The following PPP2R5B variants were observed in gnomAD, a reference collection of about 807,000 sequenced individuals.
PPP2R5B encodes the protein serine/threonine-protein phosphatase 2A 56 kDa regulatory subunit beta isoform.
Under a neutral mutation model 59.9 loss-of-function variants are expected in PPP2R5B, and 19 were observed. The observed-to-expected ratio is 0.32, with a 90% CI of 0.22 to 0.47. The LOEUF (loss-of-function observed/expected upper bound fraction) is 0.47, where lower values mean the gene tolerates loss of function less well. PPP2R5B is among the 20% of genes least tolerant of loss of function. The pLI, the probability that PPP2R5B is intolerant of heterozygous loss-of-function variation, is 1.00. For synonymous variants in PPP2R5B, 286 were observed against 260.5 expected (o/e 1.10, Z -0.94); for missense variants, 441 against 640.2 (o/e 0.69, Z 3.36).
At chr11:64,933,633 C>CTG in intron 13 of PPP2R5B, 64 bp from the exon 14 acceptor site, 1 of 1,494,780 alleles carries the variant, frequency 6.7e-7, no homozygotes, top group South Asian at 1.3e-5. Flanking sequence ...GGAGTCTGGA[C>CTG]TGTGAGGGAG....
In PPP2R5B at chr11:64,931,324, AGTAACAGGCC is replaced by A; in HGVS notation, c.892-109_892-100del. The A allele has an allele frequency of 8.5e-7, 1 of 1,174,316 alleles. No individual in the cohort carries two copies. The highest frequency in any genetic ancestry group is 1.2e-6 in the Non-Finnish European group (1 of 806,822). The allele number at this position is 1,174,316 out of a possible 1,614,324, so 72.7% of individuals were successfully genotyped here. On this transcript the variant is annotated intron_variant, in intron 8 of 13. Transcript: ENST00000164133. This position sits in a 1 kb window ranked among gnomAD's most constrained non-coding sequence, Gnocchi z 5.0. ...GTGATAAATGCTTGGTGAATAAGAA[AGTAACAGGCC>A]GTGGGTGAGCAGTATTTGGCATTCT...
At chr11:64,922,895 T>G (rs1945123364), upstream of PPP2R5B, 1 of 152,128 alleles carries the variant, frequency 6.6e-6, no homozygotes. Flanking sequence ...AAAAGTTTTT[T>G]TTTTCTTCCA....
chr11:64,926,869 T>C lies in PPP2R5B; in HGVS notation c.357T>C (p.Gly119=). Residue 119 remains glycine (G), a synonymous_variant, in exon 3 of 14, where the codon GGT becomes GGC. Coordinates refer to ENST00000164133, the MANE Select transcript of PPP2R5B (RefSeq NM_006244.4). ...TGGAGTGTGTGGGGAGCACCCGGGG[T>C]GTCCTCATCGAGCCCGTCTACCCAG... is the stretch of plus-strand genomic sequence containing the variant. The part of the protein sequence containing the change: ...ELVECVGSTR[G]VLIEPVYPDI... The C allele has an allele frequency of 6.2e-7, 1 of 1,613,896 alleles. No homozygotes were observed. Among genetic ancestry groups the C allele is most frequent in the East Asian group, 2.2e-5 (1 of 44,860 alleles).
intron 1 of PPP2R5B, among the ~76,000 whole-genome samples, chr11:64,919,068 C>T (rs536313059): frequency 1.3e-5 from 2 of 152,260 alleles, no homozygotes; most frequent in South Asian, 4.1e-4. Flanking sequence ...GGGCCAGGCA[C>T]GGTGGCTCAT....
Position 64,931,367 on chromosome 11 carries a change from A to C in PPP2R5B, c.892-69A>C. The C allele has an allele frequency of 6.5e-7, 1 of 1,538,934 alleles. No individual in the cohort carries two copies. Among genetic ancestry groups the C allele is most frequent in the Non-Finnish European group, 9.0e-7 (1 of 1,116,876 alleles). ...AGCAGTATTTGGCATTCTGTCCTGG[A>C]CAGCAAGTCCTTGGCGCCTGGTGCC... On this transcript the variant is annotated intron_variant, in intron 8 of 13. Coordinates refer to ENST00000164133, the MANE Select transcript of PPP2R5B (RefSeq NM_006244.4). The surrounding 1 kb of genome is among the most constrained non-coding windows in gnomAD (Gnocchi z 5.0).
At chr11:64,926,636 G>C in intron 2 of PPP2R5B, 76 bp from the exon 3 acceptor site, 1 of 1,521,260 alleles carries the variant, frequency 6.6e-7, no homozygotes, top group South Asian at 1.2e-5. Flanking sequence ...GTGGAGATTA[G>C]GAGGGTCTGC....
intron 1 of PPP2R5B, among the ~76,000 whole-genome samples, chr11:64,919,468 G>T (rs1281312199): frequency 1.3e-5 from 2 of 151,848 alleles, no homozygotes; most frequent in African/African-American, 4.8e-5. Context: ...ACCGGGTTGG[G>T]TTGCTCACTC....
upstream of PPP2R5B, among the ~76,000 whole-genome samples, chr11:64,923,454 G>A (rs556500495): frequency 6.6e-6 from 1 of 152,326 alleles, no homozygotes; most frequent in South Asian, 2.1e-4. Context: ...GGCCGGATGG[G>A]CAAGGCCTGC....
intron 3 of PPP2R5B, 130 bp downstream of exon 3, chr11:64,927,038 C>A: frequency 9.9e-7 from 1 of 1,008,866 alleles, no homozygotes. Flanking sequence ...CGTCTTCCTT[C>A]CCCCCGACCT....
chr11:64,922,655 A>G (rs1167280171), upstream of PPP2R5B, among the ~76,000 whole-genome samples: 1 of 152,058 alleles, frequency 6.6e-6, no homozygotes, highest in Non-Finnish European at 1.5e-5. Flanking sequence ...TGGGCGGATC[A>G]CGAGGTCAGG....
At position 64,931,597 on chromosome 11, in the gene PPP2R5B, C is replaced by T; in HGVS notation, c.984C>T (p.Cys328=). 2 of 1,613,964 alleles carry T rather than the reference C, an allele frequency of 1.2e-6. No homozygotes were observed. The highest frequency in any genetic ancestry group is 1.7e-6 in the Non-Finnish European group (2 of 1,180,008). The change falls in exon 10 of 14, where the codon TGC becomes TGT. Residue 328 remains cysteine, a synonymous_variant. Coordinates refer to ENST00000164133, the MANE Select transcript of PPP2R5B (RefSeq NM_006244.4). This position sits in a 1 kb window ranked among gnomAD's most constrained non-coding sequence, Gnocchi z 5.0. ...TGCTCAAATACTGGCCAAAAACCTG[C>T]ACCCAGAAGGAGGTATGAAGAAGGG... is the stretch of plus-strand genomic sequence containing the variant. The part of the protein sequence containing the change: ...RGLLKYWPKT[C]TQKEVMFLGE...
rs973037536 is a variant in PPP2R5B at position 64,927,468 on chromosome 11, C to G, written c.397-334C>G. Among the ~76,000 whole-genome samples, 9 of 152,200 alleles carry G rather than the reference C, an allele frequency of 5.9e-5. 1 individual carries two copies. The highest frequency in any genetic ancestry group is 1.5e-5 in the Non-Finnish European group (1 of 68,038). ...GCAGCTCTCATCTGTAATCCCAGCACTTTGGGCCAAGGCGAGAGGATCACT... is the reference window on the plus strand; with the variant it reads ...GCAGCTCTCATCTGTAATCCCAGCAGTTTGGGCCAAGGCGAGAGGATCACT... On this transcript the variant is annotated intron_variant, in intron 3 of 13. Coordinates refer to ENST00000164133, the MANE Select transcript of PPP2R5B (RefSeq NM_006244.4).
chr11:64,933,425 G>C (rs903252544), intron 13 of PPP2R5B, among the ~76,000 whole-genome samples, 179 bp downstream of exon 13: 5 of 152,098 alleles, frequency 3.3e-5, no homozygotes, highest in Non-Finnish European at 5.9e-5. Flanking sequence ...GTCATTCTTC[G>C]AGTAGCTCAG....
At position 64,924,951 on chromosome 11, in the gene PPP2R5B, G is replaced by T. The variant is rs1220358490; in HGVS notation, c.-342G>T. Reference sequence around the variant, plus strand: ...CCAGCGCCCCGAGCGGAACCGCTGCGAAGGGGCCCTGAACGGCCGTCGCCC... The same window carrying T: ...CCAGCGCCCCGAGCGGAACCGCTGCTAAGGGGCCCTGAACGGCCGTCGCCC... On this transcript the variant is annotated 5_prime_UTR_variant, in exon 1 of 14. Coordinates refer to ENST00000164133, the MANE Select transcript of PPP2R5B (RefSeq NM_006244.4). 6.6e-6 allele frequency: 1 copy of T among 152,476 alleles called. No individual in the cohort carries two copies. Among genetic ancestry groups the T allele is most frequent in the Non-Finnish European group, 1.5e-5 (1 of 68,128 alleles). 9.4% of individuals were successfully genotyped at this position (152,476 alleles called of 1,614,324 possible). A position where few individuals can be genotyped will look rare whatever the true frequency, so the allele number is the denominator to read the frequency against.
intron 11 of PPP2R5B, among the ~76,000 whole-genome samples, chr11:64,932,286 C>T (rs532685233): frequency 2.2e-4 from 34 of 152,284 alleles, no homozygotes; most frequent in African/African-American, 4.3e-4. Context: ...CAGGCTTCCC[C>T]GCACCAACCC....
At chr11:64,930,993 C>T (rs1945222437) in intron 8 of PPP2R5B, among the ~76,000 whole-genome samples, 1 of 152,108 alleles carries the variant, frequency 6.6e-6, no homozygotes, top group African/African-American at 2.4e-5. Context: ...CCCTTCTCAG[C>T]CTCCCGAGTA....
intron 12 of PPP2R5B, 97 bp downstream of exon 12, chr11:64,932,989 A>G (rs113647735): frequency 6.4e-7 from 1 of 1,554,910 alleles, no homozygotes; most frequent in South Asian, 1.2e-5. Context: ...AGAATATCAG[A>G]GAAAGCATCA....
chr11:64,921,281 A>G (rs896493202), upstream of PPP2R5B, among the ~76,000 whole-genome samples: 1 of 151,924 alleles, frequency 6.6e-6, no homozygotes, highest in Non-Finnish European at 1.5e-5. Context: ...TAACAAATAC[A>G]CTGGCCCTGG....
upstream of PPP2R5B, among the ~76,000 whole-genome samples, chr11:64,921,416 G>T (rs911517986): frequency 6.6e-6 from 1 of 152,170 alleles, no homozygotes; most frequent in Admixed American, 6.5e-5. Flanking sequence ...GCCCAGGCCG[G>T]GGGGCATCCT....
Sources: allele counts gnomAD v4.1 joint callset (sites outside exome capture counted in the v4.1 genomes callset), GRCh38; gene constraint gnomAD v4.1.1; non-coding constraint Gnocchi (gnomAD v3.1); transcripts MANE v1.5; gene names NCBI Gene and HGNC (gene_info 2026-07-23, HGNC 2026-07-21).